Variants in ALPK2 observed in about 807,000 individuals in gnomAD.
ALPK2 encodes the protein alpha kinase 2.
Under a neutral mutation model 163.1 loss-of-function variants are expected in ALPK2, and 127 were observed. That is an observed-to-expected ratio of 0.78 (90% CI 0.67 to 0.90). The LOEUF (loss-of-function observed/expected upper bound fraction) is 0.90. Ranked by LOEUF, ALPK2 falls within the 40% of genes least tolerant of loss-of-function variation. ALPK2 has a pLI of 0.00. For synonymous variants in ALPK2, 953 were observed against 959.1 expected, an observed-to-expected ratio of 0.99 and a Z score of 0.12; for missense variants, 2,360 against 2,589.6, an observed-to-expected ratio of 0.91 and a Z score of 1.92.
intron 5 of ALPK2, among the ~76,000 whole-genome samples, chr18:58,531,965 T>A (rs796818834): frequency 0.08 from 4,468 of 55,818 alleles, 64 homozygotes; most frequent in African/African-American, 0.14. Flanking sequence ...AAAAAAAAAA[T>A]AGGCTGTTGT....
intron 4 of ALPK2, among the ~76,000 whole-genome samples, chr18:58,548,476 A>G (rs2051731968): frequency 6.6e-6 from 1 of 152,046 alleles, no homozygotes; most frequent in African/African-American, 2.4e-5. Context: ...GAGTGCCACC[A>G]TGGCCAGCTA....
At chr18:58,620,511 C>T (rs59408048) in intron 1 of ALPK2, among the ~76,000 whole-genome samples, 4,173 of 152,094 alleles carry the variant, frequency 0.027, 210 homozygotes, top group African/African-American at 0.096. Flanking sequence ...GAGGTGAGGG[C>T]AGTGGGGAGA....
At chr18:58,626,666 A>G (rs2052232230) in intron 1 of ALPK2, among the ~76,000 whole-genome samples, 1 of 152,176 alleles carries the variant, frequency 6.6e-6, no homozygotes, top group Non-Finnish European at 1.5e-5. Flanking sequence ...ATAAGCATCA[A>G]TTATCCATCA....
chr18:58,577,884 T>C (rs1346425574), intron 4 of ALPK2: 1 of 152,194 alleles, frequency 6.6e-6, no homozygotes, highest in Non-Finnish European at 1.5e-5. Flanking sequence ...TAATACTAGT[T>C]TTCTAGTACA....
chr18:58,604,866 T>C (rs890035880), intron 3 of ALPK2, among the ~76,000 whole-genome samples: 1 of 152,194 alleles, frequency 6.6e-6, no homozygotes, highest in African/African-American at 2.4e-5. Flanking sequence ...TCCTTCTGCT[T>C]TGTATACCTT....
intron 3 of ALPK2, among the ~76,000 whole-genome samples, chr18:58,582,970 G>A (rs1404948835): frequency 1.3e-5 from 2 of 152,272 alleles, no homozygotes; most frequent in Admixed American, 6.5e-5. Context: ...CCCCTAAGTA[G>A]CAGGCTTCAG....
chr18:58,485,623 A>G (rs887219221), intron 12 of ALPK2, among the ~76,000 whole-genome samples: 7 of 152,242 alleles, frequency 4.6e-5, no homozygotes, highest in South Asian at 2.1e-4. Context: ...GAAATCGTCT[A>G]CTGCTAATGG....
At chr18:58,547,664 C>T (rs1165951545) in intron 4 of ALPK2, among the ~76,000 whole-genome samples, 2 of 152,192 alleles carry the variant, frequency 1.3e-5, no homozygotes, top group African/African-American at 4.8e-5. Context: ...TTTGAAGAGC[C>T]AAGAAAAGTT....
intron 3 of ALPK2, among the ~76,000 whole-genome samples, chr18:58,592,794 C>CA (rs2052020916): frequency 6.6e-6 from 1 of 152,236 alleles, no homozygotes; most frequent in Non-Finnish European, 1.5e-5. Flanking sequence ...TGCCTGGGTT[C>CA]ACATGCCGGC....
intron 12 of ALPK2, among the ~76,000 whole-genome samples, chr18:58,492,857 G>A (rs548434597): frequency 7.2e-5 from 11 of 152,324 alleles, no homozygotes; most frequent in Admixed American, 6.5e-4. Flanking sequence ...TCCCTCCATG[G>A]AGGGGGCATG....
intron 1 of ALPK2, among the ~76,000 whole-genome samples, chr18:58,625,468 CT>C (rs1480823200): frequency 1.3e-5 from 2 of 152,242 alleles, no homozygotes; most frequent in Non-Finnish European, 2.9e-5. Context: ...AGAGTGGCCC[CT>C]GGGCCACGCC....
chr18:58,564,352 C>A (rs771690544), intron 4 of ALPK2, among the ~76,000 whole-genome samples: 42 of 151,760 alleles, frequency 2.8e-4, no homozygotes, highest in Non-Finnish European at 4.7e-4. Context: ...CAACTCCCGA[C>A]CTCAGGTGAT....
In ALPK2 at chr18:58,611,955, C is replaced by T; in HGVS notation, c.-20-138G>A. 3 of 577,396 alleles carry T rather than the reference C, an allele frequency of 5.2e-6. No individual in the cohort carries two copies. In the South Asian group the frequency reaches 7.2e-5, roughly 14 times the overall value. 35.8% of individuals were successfully genotyped at this position (577,396 alleles called of 1,614,324 possible). A position where few individuals can be genotyped will look rare whatever the true frequency, so the allele number is the denominator to read the frequency against. On this transcript the variant is annotated intron_variant, in intron 1 of 12. Transcript: ENST00000361673. ...GGTGGGCAGACTGAAGGTCTTTGGG[C>T]AGCCTTTCCAGGCCGTGGTGCTGCT...
chr18:58,608,628 C>A (rs1442824229), intron 2 of ALPK2, among the ~76,000 whole-genome samples: 1 of 152,142 alleles, frequency 6.6e-6, no homozygotes, highest in Non-Finnish European at 1.5e-5. Flanking sequence ...TTTTGGTGAG[C>A]AACTCCAGAG....
At chr18:58,586,572 C>A (rs1032926681) in intron 3 of ALPK2, among the ~76,000 whole-genome samples, 6 of 152,142 alleles carry the variant, frequency 3.9e-5, no homozygotes, top group Non-Finnish European at 7.4e-5. Context: ...AAACCAGTAG[C>A]CTGGCAGCAG....
At position 58,535,431 on chromosome 18, in the gene ALPK2, G is replaced by A; in HGVS notation, c.4756C>T (p.Gln1586Ter). 1.9e-6 allele frequency: 3 copies of A among 1,614,170 alleles called. No homozygotes were observed. The highest frequency in any genetic ancestry group is 8.5e-7 in the Non-Finnish European group (1 of 1,180,020). ...RKRQYVFPVS[Q>*]KRGTIENERG... The stretch of plus-strand genomic sequence containing the variant: ...TCATTCTCAATAGTTCCCCTTTTCT[G>A]TGAAACAGGAAACACATACTGACGC... Residue 1586 changes from glutamine to a stop codon, truncating the protein, a stop_gained, in exon 5 of 13, where the codon CAG (glutamine) becomes TAG (stop). Coordinates refer to ENST00000361673, the MANE Select transcript of ALPK2 (RefSeq NM_052947.4). LOFTEE classifies it high-confidence loss of function.
At chr18:58,600,428 C>T (rs541436348) in intron 3 of ALPK2, among the ~76,000 whole-genome samples, 8 of 152,272 alleles carry the variant, frequency 5.3e-5, no homozygotes, top group East Asian at 1.9e-4. Context: ...GTCTGGCAAA[C>T]GGTTTAGGTT....
At chr18:58,564,162 G>A (rs1038489132) in intron 4 of ALPK2, among the ~76,000 whole-genome samples, 5 of 99,648 alleles carry the variant, frequency 5.0e-5, no homozygotes, top group African/African-American at 8.9e-5. Context: ...CGCTCTTGTC[G>A]CCCAGGCTGG....
At chr18:58,625,468 C>T (rs1194963375) in intron 1 of ALPK2, among the ~76,000 whole-genome samples, 3 of 152,242 alleles carry the variant, frequency 2.0e-5, no homozygotes, top group Non-Finnish European at 4.4e-5. Flanking sequence ...AGAGTGGCCC[C>T]TGGGCCACGC....
Sources: gnomAD v4.1 joint callset for allele counts (sites outside exome capture counted in the v4.1 genomes callset) on GRCh38, gnomAD v4.1.1 for gene constraint, MANE v1.5 for transcripts, NCBI Gene and HGNC (gene_info 2026-07-23, HGNC 2026-07-21) for gene names.